Variants in SNX25 observed in about 807,000 individuals in gnomAD.
SNX25 encodes the protein sorting nexin 25.
SNX25 carries 62 observed loss-of-function variants against 113.7 expected under a neutral mutation model. The ratio of observed to expected loss-of-function variants is 0.55; its 90% CI spans 0.44 to 0.67. SNX25 has a LOEUF of 0.67. Among genes scored for constraint, SNX25 ranks in the 30% least tolerant of loss-of-function variants. The pLI is 0.00. For synonymous variants in SNX25, 421 were observed against 436.2 expected (o/e 0.97, Z 0.43); for missense variants, 1,014 against 1,161.0 (o/e 0.87, Z 1.84).
intron 1 of SNX25, among the ~76,000 whole-genome samples, chr4:185,233,647 C>T (rs1465331666): frequency 1.3e-5 from 2 of 152,098 alleles, no homozygotes; most frequent in African/African-American, 4.8e-5. Flanking sequence ...TTTAGTCAAA[C>T]TGCTATCTGC....
intron 1 of SNX25, among the ~76,000 whole-genome samples, chr4:185,222,511 C>T (rs1234775808): frequency 6.6e-6 from 1 of 152,110 alleles, no homozygotes; most frequent in Non-Finnish European, 1.5e-5. Context: ...CCGTATACCC[C>T]TCCCTCGCGG....
downstream of SNX25, chr4:185,364,021 A>G (rs2095377892): frequency 6.5e-6 from 1 of 152,766 alleles, no homozygotes; most frequent in South Asian, 2.1e-4. Flanking sequence ...TTGAAACTCT[A>G]CAGGCTGTTC....
chr4:185,339,275 G>A (rs536174640), intron 10 of SNX25, 104 bp from the exon 11 acceptor site: 17 of 1,074,124 alleles, frequency 1.6e-5, no homozygotes, highest in African/African-American at 1.6e-4. Flanking sequence ...TTAGTGTATC[G>A]AAACACAGCT....
chr4:185,273,803 G>C (rs1442926174), intron 5 of SNX25, among the ~76,000 whole-genome samples: 1 of 152,078 alleles, frequency 6.6e-6, no homozygotes, highest in Admixed American at 6.6e-5. Flanking sequence ...TGTCCTCCAG[G>C]TTCATCCACA....
chr4:185,277,517 TC>T (rs1267262713), intron 5 of SNX25, among the ~76,000 whole-genome samples: 1 of 151,986 alleles, frequency 6.6e-6, no homozygotes, highest in Non-Finnish European at 1.5e-5. Context: ...GTGTTAATAC[TC>T]CCGCCATGGC....
intron 1 of SNX25, among the ~76,000 whole-genome samples, chr4:185,212,272 C>A (rs1737942115): frequency 6.7e-6 from 1 of 148,930 alleles, no homozygotes; most frequent in Non-Finnish European, 1.5e-5. Context: ...GCCACTGTGC[C>A]TGGCCTAACC....
intron 1 of SNX25, among the ~76,000 whole-genome samples, chr4:185,221,058 G>A (rs1482003861): frequency 6.6e-6 from 1 of 150,974 alleles, no homozygotes; most frequent in Non-Finnish European, 1.5e-5. Flanking sequence ...TCTGAGACAG[G>A]ATCTGGCTCT....
chr4:185,339,955 T>C (rs529808416), intron 11 of SNX25, among the ~76,000 whole-genome samples: 1 of 152,012 alleles, frequency 6.6e-6, no homozygotes, highest in South Asian at 2.1e-4. Flanking sequence ...TATTTTGCTG[T>C]TTTTTTTGAG....
At chr4:185,378,255 G>A in the SNX25 span, 2 of 1,597,792 alleles carry the variant, frequency 1.3e-6, no homozygotes, top group Non-Finnish European at 1.7e-6. Flanking sequence ...TTCCTCCAGC[G>A]AAGTGCAAAG....
chr4:185,291,677 C>T (rs140427564), intron 6 of SNX25, among the ~76,000 whole-genome samples: 1 of 152,262 alleles, frequency 6.6e-6, no homozygotes, highest in East Asian at 1.9e-4. Flanking sequence ...CTTGGTGTTC[C>T]CTGGCCTGGA....
At chr4:185,360,950 T>TATATATATAGATAGATAGATAG (rs1048534398) in intron 16 of SNX25, among the ~76,000 whole-genome samples, 1 of 141,760 alleles carries the variant, frequency 7.1e-6, no homozygotes, top group Non-Finnish European at 1.5e-5. Flanking sequence ...TATATATATA[T>TATATATATAGATAGATAGATAG]ATAGAATCTG....
intron 7 of SNX25, among the ~76,000 whole-genome samples, chr4:185,313,326 C>A (rs929333963): frequency 6.6e-6 from 1 of 152,090 alleles, no homozygotes; most frequent in Non-Finnish European, 1.5e-5. Context: ...AGATGAAGAA[C>A]CTTTCATTAT....
rs567079334 is a variant in SNX25 at position 185,264,786 on chromosome 4, G to A, written c.904+176G>A. Among the ~76,000 whole-genome samples the A allele has an allele frequency of 2.8e-4, 43 of 152,114 alleles. 1 individual carries two copies. The highest frequency in any genetic ancestry group is 1.0e-3 in the Admixed American group (16 of 15,268). ...ACTTAAATTTTTAATATGACATATC[G>A]CCAAATGCACAGTCCATTAAGTTGC... On this transcript the variant is annotated intron_variant, in intron 4 of 18. Coordinates refer to ENST00000652585, the MANE Select transcript of SNX25 (RefSeq NM_001378034.2).
chr4:185,222,310 G>A lies in SNX25; in HGVS notation c.429+12055G>A, dbSNP rs375645314. 1.9e-3 allele frequency among the ~76,000 whole-genome samples: 146 copies of A among 77,348 alleles called. 1 individual carries two copies. The highest frequency in any genetic ancestry group is 6.4e-3 in the African/African-American group (134 of 20,784). The allele number at this position is 77,348 out of a possible 152,430, so 50.7% of individuals were successfully genotyped here. On this transcript the variant is annotated intron_variant, in intron 1 of 18. Transcript: ENST00000652585. Reference sequence around the variant, plus strand: ...AGGTATACAGCACCATATACTCCTCGTTCACTGTAGGTATACAGCACCATA... The same window carrying A: ...AGGTATACAGCACCATATACTCCTCATTCACTGTAGGTATACAGCACCATA...
At chr4:185,285,659 C>T (rs1401524576) in intron 5 of SNX25, among the ~76,000 whole-genome samples, 1 of 152,172 alleles carries the variant, frequency 6.6e-6, no homozygotes, top group Non-Finnish European at 1.5e-5. Context: ...GTTTATTTTC[C>T]CCATGTCACC....
intron 6 of SNX25, among the ~76,000 whole-genome samples, chr4:185,310,290 C>T (rs1052870050): frequency 1.4e-4 from 21 of 152,200 alleles, no homozygotes; most frequent in Middle Eastern, 6.8e-3. Flanking sequence ...ATAACTAGCA[C>T]CCAGTACATG....
intron 7 of SNX25, among the ~76,000 whole-genome samples, chr4:185,315,265 C>CTCCA (rs1367376396): frequency 6.7e-6 from 1 of 149,004 alleles, no homozygotes; most frequent in Non-Finnish European, 1.5e-5. Context: ...TCCCACAGAA[C>CTCCA]TCCAGACTCA....
intron 5 of SNX25, among the ~76,000 whole-genome samples, chr4:185,275,285 G>A (rs533091252): frequency 3.7e-4 from 57 of 152,322 alleles, no homozygotes; most frequent in African/African-American, 1.3e-3. Flanking sequence ...GGGAATTTTA[G>A]TAATGGCTGA....
downstream of SNX25, among the ~76,000 whole-genome samples, chr4:185,371,490 C>T (rs956731194): frequency 1.3e-5 from 2 of 148,396 alleles, no homozygotes; most frequent in African/African-American, 2.5e-5. Context: ...TGCAGTGAGC[C>T]GAGATCGCAC....
Sources: allele counts gnomAD v4.1 joint callset (sites outside exome capture counted in the v4.1 genomes callset), GRCh38; gene constraint gnomAD v4.1.1; transcripts MANE v1.5; gene names NCBI Gene and HGNC (gene_info 2026-07-23, HGNC 2026-07-21).